Variants in BRINP1 observed in about 807,000 individuals in gnomAD.
The protein encoded by BRINP1 is BMP/retinoic acid inducible neural specific 1.
A neutral mutation model predicts 72.9 loss-of-function variants in BRINP1; 17 were observed. The ratio of observed to expected loss-of-function variants is 0.23; its 90% CI spans 0.16 to 0.35. BRINP1 has a LOEUF of 0.35. Ranked by LOEUF, BRINP1 falls within the 10% of genes least tolerant of loss-of-function variation. BRINP1 has a pLI of 1.00. For missense variants in BRINP1, 850 were observed against 1,001.6 expected, an observed-to-expected ratio of 0.85 and a Z score of 2.04; for synonymous variants, 418 against 378.5, an observed-to-expected ratio of 1.10 and a Z score of -1.21.
chr9:119,305,892 A>G (rs1190281062), intron 2 of BRINP1, among the ~76,000 whole-genome samples: 1 of 152,210 alleles, frequency 6.6e-6, no homozygotes, highest in Non-Finnish European at 1.5e-5. Context: ...AGAGATCAGT[A>G]AACATTTTTT....
At chr9:119,223,081 C>T (rs1202112567) in intron 5 of BRINP1, among the ~76,000 whole-genome samples, 1 of 152,032 alleles carries the variant, frequency 6.6e-6, no homozygotes, top group Admixed American at 6.6e-5. Context: ...ATGCCAAGTT[C>T]TCTCCTGTTC....
At chr9:119,331,829 T>G (rs1335442710) in intron 1 of BRINP1, among the ~76,000 whole-genome samples, 21 of 152,204 alleles carry the variant, frequency 1.4e-4, no homozygotes, top group Admixed American at 1.4e-3. Flanking sequence ...TCGCCAGGGA[T>G]GCTTAATAAA....
intron 6 of BRINP1, among the ~76,000 whole-genome samples, chr9:119,209,928 A>G (rs1168184251): frequency 6.6e-6 from 1 of 152,128 alleles, no homozygotes; most frequent in East Asian, 1.9e-4. Flanking sequence ...ATTTCAAAAA[A>G]CTCCAGCTTA....
chr9:119,291,879 T>C (rs1271193150), intron 2 of BRINP1, among the ~76,000 whole-genome samples: 1 of 152,184 alleles, frequency 6.6e-6, no homozygotes, highest in East Asian at 1.9e-4. Flanking sequence ...CTCTCTAACA[T>C]CCTCCATTAG....
intron 2 of BRINP1, among the ~76,000 whole-genome samples, chr9:119,272,334 C>T (rs1227944452): frequency 2.0e-5 from 3 of 152,084 alleles, no homozygotes; most frequent in African/African-American, 4.8e-5. Flanking sequence ...CCACCTGCCT[C>T]GGCCTCCCAA....
intron 5 of BRINP1, among the ~76,000 whole-genome samples, chr9:119,220,228 CA>C (rs1199603830): frequency 1.3e-5 from 2 of 152,084 alleles, no homozygotes; most frequent in African/African-American, 4.8e-5. Flanking sequence ...TATTGAGTTT[CA>C]ACCACTGGGA....
chr9:119,216,296 A>G (rs1160199345), intron 5 of BRINP1, among the ~76,000 whole-genome samples: 1 of 152,156 alleles, frequency 6.6e-6, no homozygotes, highest in Non-Finnish European at 1.5e-5. Flanking sequence ...AAAGGTGTAT[A>G]TGTCAATATG....
chr9:119,167,731 G>C lies in BRINP1; in HGVS notation c.1639C>G (p.Arg547Gly), dbSNP rs548234862. The C allele has an allele frequency of 2.5e-6, 4 of 1,613,984 alleles. No homozygotes were observed. Among genetic ancestry groups the C allele is most frequent in the Non-Finnish European group, 3.4e-6 (4 of 1,180,026 alleles). ...CTGCTGTTGCGCATCTGGCAGATGCGCATGGACATGCCGATCACCATGTGG... is the reference window on the plus strand; with the variant it reads ...CTGCTGTTGCGCATCTGGCAGATGCCCATGGACATGCCGATCACCATGTGG... ...FIHMVIGMSMRICQMRNSSLD... is the reference protein window; with the variant it reads ...FIHMVIGMSMGICQMRNSSLD... Residue 547 changes from arginine (R) to glycine (G), a missense_variant, in exon 8 of 8, where the codon CGC becomes GGC. Physicochemically the swap from Arg to Gly is moderately radical, Grantham distance 125 (BLOSUM62 -2). Transcript: ENST00000265922. The surrounding 1 kb of genome is among the most constrained non-coding windows in gnomAD (Gnocchi z 4.3).
intron 1 of BRINP1, among the ~76,000 whole-genome samples, chr9:119,328,934 C>T (rs1391142557): frequency 2.6e-5 from 4 of 151,954 alleles, no homozygotes; most frequent in African/African-American, 7.2e-5. Flanking sequence ...GCAGTGTGAG[C>T]AAAAGCATGG....
At chr9:119,291,793 G>T (rs552663548) in intron 2 of BRINP1, among the ~76,000 whole-genome samples, 1 of 152,212 alleles carries the variant, frequency 6.6e-6, no homozygotes, top group African/African-American at 2.4e-5. Flanking sequence ...CTCAGCAAAA[G>T]AATAGGATTC....
rs1205886188 is a variant in BRINP1 at position 119,171,644 on chromosome 9, T to A, written c.1146-3420A>T. On this transcript the variant is annotated intron_variant, in intron 7 of 7. Coordinates refer to ENST00000265922, the MANE Select transcript of BRINP1 (RefSeq NM_014618.3). ...GCACCAAGCGGACCTAATAGACATC[T>A]ACAGAACTCTCCACCCCAAATCAAC... 6.5e-5 allele frequency among the ~76,000 whole-genome samples: 7 copies of A among 108,086 alleles called. No individual in the cohort carries two copies. In the South Asian group the frequency reaches 2.8e-3, roughly 43 times the overall value. 70.9% of individuals were successfully genotyped at this position (108,086 alleles called of 152,430 possible). A position where few individuals can be genotyped will look rare whatever the true frequency, so the allele number is the denominator to read the frequency against.
At chr9:119,230,684 G>T (rs566569688) in intron 5 of BRINP1, among the ~76,000 whole-genome samples, 22 of 151,994 alleles carry the variant, frequency 1.4e-4, no homozygotes, top group Non-Finnish European at 2.6e-4. Context: ...AAAAGAAAAG[G>T]TCAAAGAAGA....
At chr9:119,314,055 C>A (rs1455640588) in intron 1 of BRINP1, among the ~76,000 whole-genome samples, 1 of 152,198 alleles carries the variant, frequency 6.6e-6, no homozygotes, top group Non-Finnish European at 1.5e-5. Flanking sequence ...GTTCATGGAG[C>A]TTGCTTACAG....
rs184417923 is a variant in BRINP1, at chr9:119,268,380, T to C, written c.219-19230A>G. On this transcript the variant is annotated intron_variant, in intron 2 of 7. Coordinates refer to ENST00000265922, the MANE Select transcript of BRINP1 (RefSeq NM_014618.3). ...TCTGTTTATTTCTCCAACTTCACCC[T>C]CTACCATCCTCCATTAATTGATCTC... Among the ~76,000 whole-genome samples the C allele has an allele frequency of 9.2e-5, 14 of 152,266 alleles. No homozygotes were observed. The East Asian group carries it at 2.7e-3, about 29-fold the overall frequency.
intron 2 of BRINP1, 49 bp downstream of exon 2, chr9:119,313,089 C>A (rs1402407045): frequency 6.3e-7 from 1 of 1,579,846 alleles, no homozygotes; most frequent in Non-Finnish European, 8.6e-7. Flanking sequence ...CCTGACTCCA[C>A]AAAGCATAAT....
intron 2 of BRINP1, among the ~76,000 whole-genome samples, chr9:119,262,301 C>A (rs1391122825): frequency 3.9e-5 from 6 of 151,974 alleles, no homozygotes; most frequent in African/African-American, 1.5e-4. Context: ...TTACTTACTT[C>A]CTGTATTTTA....
chr9:119,201,556 A>G (rs1323533072), intron 7 of BRINP1, among the ~76,000 whole-genome samples: 1 of 152,170 alleles, frequency 6.6e-6, no homozygotes, highest in East Asian at 1.9e-4. Flanking sequence ...TTTTTTCACT[A>G]CTCAACCTGT....
intron 5 of BRINP1, among the ~76,000 whole-genome samples, chr9:119,230,422 C>T (rs961577102): frequency 1.3e-5 from 2 of 151,940 alleles, no homozygotes; most frequent in Admixed American, 1.3e-4. Context: ...GAGATCTGAA[C>T]AAGAAGGCTG....
intron 7 of BRINP1, among the ~76,000 whole-genome samples, chr9:119,202,572 T>C (rs2118864089): frequency 6.6e-6 from 1 of 152,300 alleles, no homozygotes; most frequent in African/African-American, 2.4e-5. Context: ...CCTTTTTAAC[T>C]GCACAGTGTA....
Sources: allele counts gnomAD v4.1 joint callset (sites outside exome capture counted in the v4.1 genomes callset), GRCh38; gene constraint gnomAD v4.1.1; non-coding constraint Gnocchi (gnomAD v3.1); transcripts MANE v1.5; gene names NCBI Gene and HGNC (gene_info 2026-07-23, HGNC 2026-07-21).